The following SEMA4D variants were observed in gnomAD, a reference collection of about 807,000 sequenced individuals.
The protein encoded by SEMA4D is semaphorin-4D.
Under a neutral mutation model 74.8 loss-of-function variants are expected in SEMA4D, and 22 were observed. The ratio of observed to expected loss-of-function variants is 0.29; its 90% CI spans 0.21 to 0.42. The LOEUF is 0.42. Ranked by LOEUF, SEMA4D falls within the 10% of genes least tolerant of loss-of-function variation. The probability of loss-of-function intolerance (pLI) is 1.00; values close to 1 mark genes in which losing one functional copy is unlikely to be tolerated. For synonymous variants in SEMA4D, 445 were observed against 463.7 expected (o/e 0.96, Z 0.52); for missense variants, 937 against 1,118.4 (o/e 0.84, Z 2.31).
rs1860516348 is a variant in SEMA4D at position 89,472,145 on chromosome 9, G to A, written c.-309-16192C>T. On this transcript the variant is annotated intron_variant, in intron 1 of 15. Transcript: ENST00000422704. ...GCACAATCCTTCTGACTTTAAAAGA[G>A]TCATGCTCTTTGCTTCCCACAAGAG... 3 of 187,450 alleles carry A rather than the reference G, an allele frequency of 1.6e-5. No homozygotes were observed. In the South Asian group the frequency reaches 2.7e-4, roughly 17 times the overall value. The allele number at this position is 187,450 out of a possible 1,614,324, so 11.6% of individuals were successfully genotyped here.
intron 2 of SEMA4D, among the ~76,000 whole-genome samples, chr9:89,441,420 T>C (rs1851637764): frequency 6.6e-6 from 1 of 152,262 alleles, no homozygotes; most frequent in Non-Finnish European, 1.5e-5. Flanking sequence ...GAGCCCAATG[T>C]GTCTGGGATC....
chr9:89,392,624 T>C, intron 7 of SEMA4D, 88 bp from the exon 8 acceptor site: 2 of 835,496 alleles, frequency 2.4e-6, no homozygotes, highest in Non-Finnish European at 4.0e-6. Context: ...ACACGGTGTT[T>C]TCCTTTATAA....
At chr9:89,386,216 C>G (rs1838444786) in intron 13 of SEMA4D, 151 bp downstream of exon 13, 1 of 999,908 alleles carries the variant, frequency 1.0e-6, no homozygotes, top group Non-Finnish European at 1.4e-6. Context: ...CGGAATGGCT[C>G]TGTGTCAAAC....
At chr9:89,374,080 T>C (rs947768595), downstream of SEMA4D, among the ~76,000 whole-genome samples, 4 of 152,222 alleles carry the variant, frequency 2.6e-5, no homozygotes, top group Non-Finnish European at 5.9e-5. Flanking sequence ...CTTCGCAGGC[T>C]GTGGCCTCAG....
intron 2 of SEMA4D, among the ~76,000 whole-genome samples, chr9:89,425,013 C>T (rs982986459): frequency 1.3e-5 from 2 of 152,152 alleles, no homozygotes; most frequent in African/African-American, 2.4e-5. Context: ...GCTAGGTGTG[C>T]ATTTTCCCCT....
chr9:89,466,621 C>T (rs1029167181), intron 1 of SEMA4D, among the ~76,000 whole-genome samples: 3 of 115,618 alleles, frequency 2.6e-5, no homozygotes, highest in African/African-American at 8.8e-5. Flanking sequence ...AAGCATCACT[C>T]ACCTGCATGT....
intron 1 of SEMA4D, among the ~76,000 whole-genome samples, chr9:89,471,456 T>C (rs1188668321): frequency 6.6e-6 from 1 of 152,174 alleles, no homozygotes; most frequent in African/African-American, 2.4e-5. Flanking sequence ...ATAAAAGAAG[T>C]TCAAAAAGCA....
intron 2 of SEMA4D, among the ~76,000 whole-genome samples, chr9:89,452,179 TTTG>T (rs1172446431): frequency 3.8e-4 from 25 of 65,078 alleles, no homozygotes; most frequent in African/African-American, 1.3e-3. Flanking sequence ...CTTGGTTTTT[TTTG>T]TTTTTTTTTT....
At chr9:89,411,343 C>A (rs1037049408) in intron 2 of SEMA4D, among the ~76,000 whole-genome samples, 5 of 152,046 alleles carry the variant, frequency 3.3e-5, no homozygotes, top group African/African-American at 4.8e-5. Context: ...GCCCCCATTA[C>A]AAAAATTACA....
intron 2 of SEMA4D, among the ~76,000 whole-genome samples, chr9:89,448,941 G>A (rs1287897181): frequency 6.6e-6 from 1 of 152,208 alleles, no homozygotes; most frequent in African/African-American, 2.4e-5. Context: ...CCACGGGAAG[G>A]CAGGATGGGG....
intron 2 of SEMA4D, among the ~76,000 whole-genome samples, chr9:89,427,399 A>G (rs1277498456): frequency 6.6e-6 from 1 of 152,156 alleles, no homozygotes; most frequent in Non-Finnish European, 1.5e-5. Flanking sequence ...CCTGTATCAG[A>G]AAACCACAGC....
intron 6 of SEMA4D, among the ~76,000 whole-genome samples, chr9:89,396,060 G>C (rs889869670): frequency 6.6e-6 from 1 of 152,164 alleles, no homozygotes; most frequent in East Asian, 1.9e-4. Flanking sequence ...CGTCACACAG[G>C]GGGAGGTGCC....
At chr9:89,497,052 G>A (rs1447744364) in intron 1 of SEMA4D, among the ~76,000 whole-genome samples, 1 of 152,134 alleles carries the variant, frequency 6.6e-6, no homozygotes, top group Non-Finnish European at 1.5e-5. Context: ...CCCAGCCCTC[G>A]ACACCAGGCC....
intron 1 of SEMA4D, among the ~76,000 whole-genome samples, chr9:89,470,175 T>C (rs1334518000): frequency 1.3e-5 from 2 of 152,230 alleles, no homozygotes; most frequent in Non-Finnish European, 2.9e-5. Flanking sequence ...CTGTGAAAGA[T>C]GCTGTTAAAA....
chr9:89,404,020 C>T (rs1842734898), intron 3 of SEMA4D, among the ~76,000 whole-genome samples: 1 of 152,242 alleles, frequency 6.6e-6, no homozygotes, highest in African/African-American at 2.4e-5. Context: ...GGTCCTCTCT[C>T]TCAGCACAAC....
At chr9:89,477,886 G>A (rs1862160209) in intron 1 of SEMA4D, among the ~76,000 whole-genome samples, 1 of 152,114 alleles carries the variant, frequency 6.6e-6, no homozygotes, top group African/African-American at 2.4e-5. Flanking sequence ...TAAAAGCAAA[G>A]GCCCCACCAA....
downstream of SEMA4D, among the ~76,000 whole-genome samples, chr9:89,373,936 G>A (rs1419768976): frequency 2.0e-5 from 3 of 152,226 alleles, no homozygotes; most frequent in Non-Finnish European, 4.4e-5. Flanking sequence ...GAACCCTGGA[G>A]CCTACTCGGG....
intron 1 of SEMA4D, among the ~76,000 whole-genome samples, chr9:89,457,137 T>C (rs1856125242): frequency 6.6e-6 from 1 of 152,176 alleles, no homozygotes; most frequent in African/African-American, 2.4e-5. Context: ...GGATGGTCGC[T>C]TTCATCTTTC....
chr9:89,452,002 C>T (rs1212669436), intron 2 of SEMA4D, among the ~76,000 whole-genome samples: 1 of 151,908 alleles, frequency 6.6e-6, no homozygotes, highest in African/African-American at 2.4e-5. Context: ...TCCTATGAGG[C>T]ATAAGGAGGC....
Sources: gnomAD v4.1 joint callset for allele counts (sites outside exome capture counted in the v4.1 genomes callset) on GRCh38, gnomAD v4.1.1 for gene constraint, MANE v1.5 for transcripts, NCBI Gene and HGNC (gene_info 2026-07-23, HGNC 2026-07-21) for gene names.